GDPD1: variants seen among roughly 807,000 people sequenced by gnomAD.
GDPD1 encodes the protein lysophospholipase D GDPD1.
A neutral mutation model predicts 45.1 loss-of-function variants in GDPD1; 28 were observed. The ratio of observed to expected loss-of-function variants is 0.62; its 90% CI spans 0.46 to 0.85. The LOEUF (loss-of-function observed/expected upper bound fraction) is 0.85, where lower values mean the gene tolerates loss of function less well. Among genes scored for constraint, GDPD1 ranks in the 40% least tolerant of loss-of-function variants. The probability of loss-of-function intolerance (pLI) is 0.00; values close to 1 mark genes in which losing one functional copy is unlikely to be tolerated. For synonymous variants in GDPD1, 139 were observed against 131.4 expected, an observed-to-expected ratio of 1.06 and a Z score of -0.40; for missense variants, 256 against 364.8, an observed-to-expected ratio of 0.70 and a Z score of 2.43.
intron 1 of GDPD1, among the ~76,000 whole-genome samples, chr17:59,230,470 C>T (rs533642209): frequency 4.0e-5 from 6 of 150,182 alleles, no homozygotes; most frequent in African/African-American, 1.2e-4. Context: ...GCAACCTCCG[C>T]CTCCCGGGTT....
intron 6 of GDPD1, among the ~76,000 whole-genome samples, chr17:59,261,935 T>TTTTTTTTTTA (rs2047359294): frequency 1.4e-5 from 2 of 141,124 alleles, no homozygotes; most frequent in African/African-American, 2.7e-5. Context: ...TTTTTTTTTT[T>TTTTTTTTTTA]GAGACGGAGT....
chr17:59,262,010 C>T (rs1027372771), intron 6 of GDPD1, among the ~76,000 whole-genome samples: 1 of 145,998 alleles, frequency 6.8e-6, no homozygotes, highest in Non-Finnish European at 1.5e-5. Context: ...CTCCGCCTCC[C>T]GGGTTCACGC....
At chr17:59,222,799 G>C (rs1271843093) in intron 1 of GDPD1, among the ~76,000 whole-genome samples, 1 of 152,154 alleles carries the variant, frequency 6.6e-6, no homozygotes, top group Non-Finnish European at 1.5e-5. Context: ...ACAGGCGTGA[G>C]ACACTGCACC....
At chr17:59,230,054 T>C (rs1330666840) in intron 1 of GDPD1, among the ~76,000 whole-genome samples, 1 of 152,196 alleles carries the variant, frequency 6.6e-6, no homozygotes, top group African/African-American at 2.4e-5. Context: ...CTATGGGTTA[T>C]AGTGATGAGA....
rs1285053748 is a variant in GDPD1, at chr17:59,275,865, A to G, written c.*2092A>G. 6.6e-6 allele frequency: 1 copy of G among 152,232 alleles called. No homozygotes were observed. The highest frequency in any genetic ancestry group is 1.5e-5 in the Non-Finnish European group (1 of 68,048). The allele number at this position is 152,232 out of a possible 1,614,324, so 9.4% of individuals were successfully genotyped here. A position where few individuals can be genotyped will look rare whatever the true frequency, so the allele number is the denominator to read the frequency against. On this transcript the variant is annotated 3_prime_UTR_variant, in exon 10 of 10. Coordinates refer to ENST00000284116, the MANE Select transcript of GDPD1 (RefSeq NM_182569.4). ...TTACATCTCTCATTTGGAGTTTGGC[A>G]ATGAAACTGCTATGAAGAATGACTG... is the stretch of plus-strand genomic sequence containing the variant.
intron 2 of GDPD1, among the ~76,000 whole-genome samples, chr17:59,243,321 T>C (rs1319403663): frequency 6.6e-6 from 1 of 151,986 alleles, no homozygotes; most frequent in African/African-American, 2.4e-5. Context: ...GCCTGGCCAA[T>C]ATGGTAAAAC....
At chr17:59,236,711 T>C (rs1446142337) in intron 2 of GDPD1, among the ~76,000 whole-genome samples, 1 of 152,162 alleles carries the variant, frequency 6.6e-6, no homozygotes, top group Non-Finnish European at 1.5e-5. Flanking sequence ...GGTTTTGCTA[T>C]GCTGGCGAGG....
intron 5 of GDPD1, 146 bp downstream of exon 5, chr17:59,257,386 G>A (rs1208560680): frequency 5.2e-6 from 3 of 574,026 alleles, no homozygotes; most frequent in East Asian, 3.0e-5. Flanking sequence ...TGCCTTAGTA[G>A]AAGAGATCAT....
Position 59,234,603 on chromosome 17 carries a change from A to G in GDPD1, c.185+69A>G. Reference sequence around the variant, plus strand: ...TTTGCAGGCTTTCTTTAAAGTGATGATGATCCACAAAGTGAGGATAGTGTA... The same window carrying G: ...TTTGCAGGCTTTCTTTAAAGTGATGGTGATCCACAAAGTGAGGATAGTGTA... On this transcript the variant is annotated intron_variant, in intron 2 of 9. Coordinates refer to ENST00000284116, the MANE Select transcript of GDPD1 (RefSeq NM_182569.4). The G allele has an allele frequency of 3.0e-6, 3 of 990,286 alleles. 1 individual carries two copies. Among genetic ancestry groups the G allele is most frequent in the South Asian group, 2.7e-5 (2 of 73,706 alleles). The allele number at this position is 990,286 out of a possible 1,614,324, so 61.3% of individuals were successfully genotyped here.
intron 1 of GDPD1, among the ~76,000 whole-genome samples, chr17:59,228,045 G>A (rs575194690): frequency 1.3e-5 from 2 of 151,884 alleles, no homozygotes; most frequent in South Asian, 2.1e-4. Flanking sequence ...GGTGGCGCAC[G>A]CCTGTAGTTT....
intron 2 of GDPD1, among the ~76,000 whole-genome samples, chr17:59,243,559 T>C (rs1188892750): frequency 1.3e-5 from 2 of 151,124 alleles, no homozygotes; most frequent in African/African-American, 4.9e-5. Flanking sequence ...TCCCTCTGGG[T>C]TGCAGTTTTA....
At chr17:59,266,970 A>T (rs2047403655) in intron 6 of GDPD1, 71 bp from the exon 7 acceptor site, 1 of 1,225,344 alleles carries the variant, frequency 8.2e-7, no homozygotes, top group Non-Finnish European at 1.2e-6. Flanking sequence ...GGAAATACTG[A>T]GAGTTGTGAA....
intron 2 of GDPD1, 115 bp downstream of exon 2, chr17:59,234,649 T>G: frequency 1.5e-6 from 1 of 685,424 alleles, no homozygotes; most frequent in Admixed American, 2.7e-5. Context: ...CAGTTTGTGA[T>G]AGTTGTTTCT....
intron 6 of GDPD1, among the ~76,000 whole-genome samples, chr17:59,265,523 A>C (rs1190855250): frequency 6.6e-6 from 1 of 151,802 alleles, no homozygotes; most frequent in Non-Finnish European, 1.5e-5. Flanking sequence ...GGTGACAGCG[A>C]GACCCTGTCT....
At chr17:59,235,875 T>A (rs1461035030) in intron 2 of GDPD1, among the ~76,000 whole-genome samples, 1 of 152,130 alleles carries the variant, frequency 6.6e-6, no homozygotes, top group Non-Finnish European at 1.5e-5. Context: ...AATGGACTAT[T>A]TTAATTTAAA....
intron 2 of GDPD1, among the ~76,000 whole-genome samples, chr17:59,237,688 T>G (rs1351535661): frequency 6.6e-6 from 1 of 151,976 alleles, no homozygotes. Flanking sequence ...ATAGTTGGTG[T>G]GGGAAGCCTG....
At chr17:59,230,609 C>A (rs1025835727) in intron 1 of GDPD1, among the ~76,000 whole-genome samples, 7 of 151,656 alleles carry the variant, frequency 4.6e-5, no homozygotes, top group African/African-American at 1.7e-4. Flanking sequence ...CTTGAACTCC[C>A]GACCTCAGGT....
intron 4 of GDPD1, among the ~76,000 whole-genome samples, chr17:59,250,332 A>T (rs2047243164): frequency 6.6e-6 from 1 of 152,162 alleles, no homozygotes; most frequent in Non-Finnish European, 1.5e-5. Context: ...ATAAAAATTT[A>T]AAAATCCAGC....
chr17:59,265,191 A>G (rs1034209685), intron 6 of GDPD1, among the ~76,000 whole-genome samples: 1 of 152,026 alleles, frequency 6.6e-6, no homozygotes, highest in African/African-American at 2.4e-5. Context: ...TTAAAAATAT[A>G]TATTATGTTT....
Sources: gnomAD v4.1 joint callset for allele counts (sites outside exome capture counted in the v4.1 genomes callset) on GRCh38, gnomAD v4.1.1 for gene constraint, MANE v1.5 for transcripts, NCBI Gene and HGNC (gene_info 2026-07-23, HGNC 2026-07-21) for gene names.